The following PNPLA8 variants were observed in gnomAD, a reference collection of about 807,000 sequenced individuals.
The protein encoded by PNPLA8 is patatin like domain 8, phospholipase A2, also known as calcium-independent phospholipase A2-gamma.
A neutral mutation model predicts 76.9 loss-of-function variants in PNPLA8; 39 were observed. The ratio of observed to expected loss-of-function variants is 0.51; its 90% CI spans 0.39 to 0.66. The LOEUF (loss-of-function observed/expected upper bound fraction) is 0.66, where lower values mean the gene tolerates loss of function less well. PNPLA8 is among the 30% of genes least tolerant of loss of function. The pLI is 0.00. For missense variants in PNPLA8, 887 were observed against 918.0 expected (o/e 0.97, Z 0.44); for synonymous variants, 301 against 307.9 (o/e 0.98, Z 0.24).
intron 7 of PNPLA8, among the ~76,000 whole-genome samples, chr7:108,495,055 T>G (rs148480277): frequency 9.9e-4 from 151 of 152,246 alleles, no homozygotes; most frequent in African/African-American, 3.5e-3. Flanking sequence ...AAAAATTAAG[T>G]GTTTGGTGTT....
intron 2 of PNPLA8, among the ~76,000 whole-genome samples, chr7:108,516,169 T>C (rs770234042): frequency 3.9e-5 from 6 of 152,122 alleles, no homozygotes; most frequent in Non-Finnish European, 7.4e-5. Flanking sequence ...CTACAGCATA[T>C]AACATAGAAG....
chr7:108,487,993 A>C (rs1860870547), intron 8 of PNPLA8, 40 bp from the exon 9 acceptor site: 2 of 1,253,332 alleles, frequency 1.6e-6, no homozygotes, highest in Admixed American at 2.0e-5. Context: ...CATTAACAGT[A>C]ATATATTTGG....
At chr7:108,512,962 T>C (rs1445597036) in intron 4 of PNPLA8, among the ~76,000 whole-genome samples, 1 of 152,054 alleles carries the variant, frequency 6.6e-6, no homozygotes, top group Non-Finnish European at 1.5e-5. Flanking sequence ...GTAAAAGAGG[T>C]TGAAGTGAGC....
intron 9 of PNPLA8, 59 bp downstream of exon 9, chr7:108,487,700 A>C: frequency 9.9e-7 from 1 of 1,014,430 alleles, no homozygotes; most frequent in South Asian, 1.9e-5. Context: ...ACATTTAATA[A>C]GTGCTGATTC....
intron 2 of PNPLA8, among the ~76,000 whole-genome samples, chr7:108,520,414 T>C (rs868722554): frequency 6.6e-6 from 1 of 152,146 alleles, no homozygotes. Flanking sequence ...GAACGATAGA[T>C]ACCAGAGGCT....
intron 9 of PNPLA8, chr7:108,480,811 T>A (rs1051727078): frequency 1.3e-5 from 4 of 310,748 alleles, no homozygotes; most frequent in Non-Finnish European, 2.7e-5. Context: ...GCATATAGAT[T>A]TGTGTAAATA....
chr7:108,514,756 A>G lies in PNPLA8; in HGVS notation c.736T>C (p.Leu246=). Reference sequence around the variant, plus strand: ...AGGATGCCAGGATCTGGAGATCTTAATTTCCCCTCTTCTACCTTTTTATCT... The same window carrying G: ...AGGATGCCAGGATCTGGAGATCTTAGTTTCCCCTCTTCTACCTTTTTATCT... The part of the protein sequence containing the change: ...LEDKKVEEGK[L]RSPDPGILAY... The change falls in exon 3 of 11, where the codon TTA becomes CTA. Residue 246 remains leucine (L), a synonymous_variant. Transcript: ENST00000257694. 2 of 1,613,202 alleles carry G rather than the reference A, an allele frequency of 1.2e-6. No individual in the cohort carries two copies. Among genetic ancestry groups the G allele is most frequent in the African/African-American group, 2.7e-5 (2 of 74,948 alleles).
chr7:108,484,747 C>T (rs1395055831), intron 9 of PNPLA8, among the ~76,000 whole-genome samples: 1 of 152,086 alleles, frequency 6.6e-6, no homozygotes, highest in African/African-American at 2.4e-5. Flanking sequence ...TAAATTTTTA[C>T]CTCATTCTAT....
At chr7:108,482,696 C>T (rs193262532) in intron 9 of PNPLA8, among the ~76,000 whole-genome samples, 3 of 152,252 alleles carry the variant, frequency 2.0e-5, no homozygotes, top group Admixed American at 1.3e-4. Context: ...TTTCTTTCAT[C>T]TTCTGTTTTC....
intron 7 of PNPLA8, among the ~76,000 whole-genome samples, chr7:108,495,585 A>G (rs1188863895): frequency 6.6e-6 from 1 of 152,142 alleles, no homozygotes; most frequent in African/African-American, 2.4e-5. Flanking sequence ...TCTATTTCCT[A>G]TATAATAATT....
chr7:108,483,571 G>A (rs1350868573), intron 9 of PNPLA8, among the ~76,000 whole-genome samples: 2 of 152,134 alleles, frequency 1.3e-5, no homozygotes, highest in African/African-American at 4.8e-5. Flanking sequence ...CTATGTCTCT[G>A]TGAATGTCAG....
chr7:108,473,693 A>C (rs1450762317), intron 10 of PNPLA8, among the ~76,000 whole-genome samples: 1 of 152,082 alleles, frequency 6.6e-6, no homozygotes, highest in African/African-American at 2.4e-5. Flanking sequence ...TATCTTCTTT[A>C]ATGAAGTGTC....
chr7:108,480,709 G>A (rs1425371217), intron 9 of PNPLA8: 1 of 421,154 alleles, frequency 2.4e-6, no homozygotes, highest in African/African-American at 2.0e-5. Flanking sequence ...ATACAACCTT[G>A]TAAAGCAGCT....
Position 108,515,529 on chromosome 7 carries a change from C to T in PNPLA8, c.-38G>A. ...ATTTATTTTCTATGACATTCTCTCA[C>T]TTCTTGAACGCTTCATTTAAGAAAT... On this transcript the variant is annotated 5_prime_UTR_variant, in exon 3 of 11. The change creates a new upstream start codon in the 5' untranslated region. Coordinates refer to ENST00000257694, the MANE Select transcript of PNPLA8 (RefSeq NM_001256007.3). The T allele has an allele frequency of 7.5e-7, 1 of 1,336,588 alleles. No individual in the cohort carries two copies. The highest frequency in any genetic ancestry group is 9.6e-7 in the Non-Finnish European group (1 of 1,039,036). 82.8% of individuals were successfully genotyped at this position (1,336,588 alleles called of 1,614,324 possible).
intron 1 of PNPLA8, among the ~76,000 whole-genome samples, chr7:108,524,040 G>A (rs10480679): frequency 0.2 from 30,233 of 152,112 alleles, 3,201 homozygotes; most frequent in East Asian, 0.34. Flanking sequence ...ATTTTCTTTT[G>A]GATTCACAGG....
In PNPLA8 at chr7:108,491,453, G is replaced by A; in HGVS notation, c.1640C>T (p.Ser547Phe). ...TCTTGCTGTTTCAATCATCAGTGCA[G>A]ATCCCATCCTATCCCTTTATTAAAG... ...WENILKDRMGSALMIETARNP... is the reference protein window; with the variant it reads ...WENILKDRMGFALMIETARNP... Residue 547 changes from serine (S) to phenylalanine (F), a missense_variant, in exon 8 of 11, where the codon TCT becomes TTT. Transcript: ENST00000257694. 1.2e-6 allele frequency: 2 copies of A among 1,601,764 alleles called. No individual in the cohort carries two copies. The highest frequency in any genetic ancestry group is 2.2e-5 in the South Asian group (2 of 90,796).
intron 8 of PNPLA8, among the ~76,000 whole-genome samples, chr7:108,490,779 G>A (rs557534868): frequency 6.9e-6 from 1 of 145,446 alleles, no homozygotes. Flanking sequence ...GCAAGACTCC[G>A]TCTCAAAAAA....
In PNPLA8 at chr7:108,515,418, C is replaced by T; in HGVS notation, c.74G>A (p.Arg25Lys). 6.8e-6 allele frequency: 11 copies of T among 1,609,976 alleles called. No homozygotes were observed. Among genetic ancestry groups the T allele is most frequent in the Non-Finnish European group, 9.3e-6 (11 of 1,178,172 alleles). ...SNARSVCGKQ[R>K]SKQLYFLFSP... ...GAACAAGAAATACAGTTGCTTGCTT[C>T]TCTGCTTCCCACAAACACTTCTTGC... Residue 25 changes from arginine (R) to lysine (K), a missense_variant, in exon 3 of 11, where the codon AGA becomes AAA. By Grantham distance (26) the Arg-to-Lys change is conservative. Transcript: ENST00000257694.
rs116737608 is a variant in PNPLA8 at position 108,472,909 on chromosome 7, A to G, written c.2075-234T>C. Among the ~76,000 whole-genome samples, 1,518 of 152,282 alleles carry G rather than the reference A, an allele frequency of 1.0e-2. 24 individuals carry two copies. Among genetic ancestry groups the G allele is most frequent in the African/African-American group, 0.034 (1,412 of 41,566 alleles). On this transcript the variant is annotated intron_variant, in intron 10 of 10. Transcript: ENST00000257694. ...TCTGTGAAATTAGTATACTTCTTCT[A>G]TTCTCTCTGTGCTTTTGGTCATACT...
Sources: gnomAD v4.1 joint callset for allele counts (sites outside exome capture counted in the v4.1 genomes callset) on GRCh38, gnomAD v4.1.1 for gene constraint, MANE v1.5 for transcripts, NCBI Gene and HGNC (gene_info 2026-07-23, HGNC 2026-07-21) for gene names.